Variants in NELL1 observed in about 807,000 individuals in gnomAD.
NELL1 encodes protein kinase C-binding protein NELL1.
A neutral mutation model predicts 107.4 loss-of-function variants in NELL1; 76 were observed. That is an observed-to-expected ratio of 0.71 (90% CI 0.59 to 0.86). NELL1 has a LOEUF of 0.86. NELL1 is among the 40% of genes least tolerant of loss of function. The pLI is 0.00. For missense variants in NELL1, 1,024 were observed against 1,005.5 expected (o/e 1.02, Z -0.25); for synonymous variants, 353 against 341.2 (o/e 1.03, Z -0.38).
At chr11:21,314,616 C>A (rs1409299956) in intron 14 of NELL1, among the ~76,000 whole-genome samples, 1 of 152,132 alleles carries the variant, frequency 6.6e-6, no homozygotes, top group Non-Finnish European at 1.5e-5. Context: ...CCTTATGCAG[C>A]CAGTATTTGA....
At chr11:21,035,088 A>G (rs572922099) in intron 12 of NELL1, among the ~76,000 whole-genome samples, 30 of 152,020 alleles carry the variant, frequency 2.0e-4, no homozygotes, top group Admixed American at 1.9e-3. Context: ...ACAAACAACC[A>G]TTAGAGGAGT....
chr11:21,290,087 G>A (rs10833494), intron 14 of NELL1, among the ~76,000 whole-genome samples: 1 of 152,066 alleles, frequency 6.6e-6, no homozygotes, highest in African/African-American at 2.4e-5. Flanking sequence ...TAAATATTCC[G>A]GGCTGGACGC....
chr11:21,542,758 T>C (rs183543331), intron 16 of NELL1, among the ~76,000 whole-genome samples: 1 of 152,192 alleles, frequency 6.6e-6, no homozygotes, highest in African/African-American at 2.4e-5. Context: ...AATGTACTTA[T>C]TTATTATGCA....
intron 14 of NELL1, among the ~76,000 whole-genome samples, chr11:21,278,476 A>G (rs79965493): frequency 0.021 from 3,158 of 152,242 alleles, 121 homozygotes; most frequent in African/African-American, 0.072. Context: ...ACAAAAGTCG[A>G]TAGTTTTTTC....
intron 3 of NELL1, among the ~76,000 whole-genome samples, chr11:20,819,598 TCAGATGA>T (rs1455195629): frequency 6.6e-6 from 1 of 152,194 alleles, no homozygotes; most frequent in African/African-American, 2.4e-5. Context: ...TCTAAAAGTT[TCAGATGA>T]GGGTAAGATA....
At chr11:21,124,833 T>A (rs2133748021) in intron 13 of NELL1, among the ~76,000 whole-genome samples, 1 of 152,174 alleles carries the variant, frequency 6.6e-6, no homozygotes, top group South Asian at 2.1e-4. Flanking sequence ...ACTCCCAACC[T>A]CAGGTGATCT....
intron 12 of NELL1, among the ~76,000 whole-genome samples, chr11:21,092,167 G>T (rs1024302675): frequency 2.0e-4 from 30 of 152,138 alleles, no homozygotes; most frequent in African/African-American, 6.8e-4. Context: ...TCAGTAAGTA[G>T]TTCAGGATTT....
intron 2 of NELL1, among the ~76,000 whole-genome samples, chr11:20,774,023 T>A (rs1856693051): frequency 7.3e-6 from 1 of 136,572 alleles, no homozygotes; most frequent in Admixed American, 7.2e-5. Flanking sequence ...GTTCCTTTTT[T>A]CCTCCCTCCC....
intron 14 of NELL1, among the ~76,000 whole-genome samples, chr11:21,274,369 C>G (rs1848807740): frequency 6.6e-6 from 1 of 152,248 alleles, no homozygotes; most frequent in African/African-American, 2.4e-5. Context: ...TATATATGCA[C>G]CCAATACAGG....
chr11:21,164,500 G>A (rs1031300093), intron 13 of NELL1, among the ~76,000 whole-genome samples: 1 of 151,978 alleles, frequency 6.6e-6, no homozygotes, highest in Non-Finnish European at 1.5e-5. Context: ...GACCTAATTA[G>A]CCAAAGTGAC....
At chr11:20,716,407 C>T (rs1855251512) in intron 2 of NELL1, among the ~76,000 whole-genome samples, 2 of 152,226 alleles carry the variant, frequency 1.3e-5, no homozygotes, top group African/African-American at 4.8e-5. Flanking sequence ...TCAGAATCAA[C>T]ACATCTTCAC....
intron 2 of NELL1, among the ~76,000 whole-genome samples, chr11:20,707,380 A>G (rs1854993774): frequency 6.6e-6 from 1 of 152,156 alleles, no homozygotes; most frequent in African/African-American, 2.4e-5. Flanking sequence ...CGTCAAAATC[A>G]TTATCTGCTC....
chr11:20,686,678 T>G (rs534412937), intron 2 of NELL1, among the ~76,000 whole-genome samples: 3 of 152,206 alleles, frequency 2.0e-5, no homozygotes, highest in Admixed American at 2.0e-4. Flanking sequence ...TCAATATGAG[T>G]AGGTTACAGT....
rs1858875966 is a variant in NELL1 at position 21,260,408 on chromosome 11, G to A, written c.1549+30954G>A. ...GGTGTCCCTTTGTATAACCAGAGAA[G>A]CCCAGTATAATGTGACTGGCAAACA... On this transcript the variant is annotated intron_variant, in intron 14 of 19. Coordinates refer to ENST00000357134, the MANE Select transcript of NELL1 (RefSeq NM_006157.5). The A allele has an allele frequency of 2.6e-5, 4 of 151,850 alleles. No individual in the cohort carries two copies. In the South Asian group the frequency reaches 8.3e-4, roughly 32 times the overall value. The allele number at this position is 151,850 out of a possible 1,614,324, so 9.4% of individuals were successfully genotyped here. A position where few individuals can be genotyped will look rare whatever the true frequency, so the allele number is the denominator to read the frequency against.
At chr11:21,285,902 T>C (rs139919580) in intron 14 of NELL1, among the ~76,000 whole-genome samples, 178 of 152,364 alleles carry the variant, frequency 1.2e-3, no homozygotes, top group African/African-American at 4.0e-3. Context: ...AAAATAACTT[T>C]ATTGGTGCTT....
At chr11:21,245,149 C>G (rs1334720532) in intron 14 of NELL1, among the ~76,000 whole-genome samples, 1 of 152,126 alleles carries the variant, frequency 6.6e-6, no homozygotes, top group Non-Finnish European at 1.5e-5. Context: ...CCTCTGTAGC[C>G]TCATTTCCTT....
At position 21,532,635 on chromosome 11, in the gene NELL1, G is replaced by A. The variant is rs114112447; in HGVS notation, c.1646-1739G>A. Among the ~76,000 whole-genome samples the A allele has an allele frequency of 1.2e-3, 183 of 152,188 alleles. 1 individual carries two copies. The highest frequency in any genetic ancestry group is 4.4e-3 in the African/African-American group (181 of 41,512). On this transcript the variant is annotated intron_variant, in intron 15 of 19. Transcript: ENST00000357134. The stretch of plus-strand genomic sequence containing the variant: ...TTGTCCACAGCCTGTAGGCAACAGG[G>A]TCTGTGTTAATCATGACTGGTTTTT...
intron 12 of NELL1, among the ~76,000 whole-genome samples, chr11:20,973,185 T>C (rs1388262544): frequency 6.8e-6 from 1 of 146,924 alleles, no homozygotes; most frequent in Non-Finnish European, 1.5e-5. Context: ...CTCGGCTCAC[T>C]GCAACCTCCA....
chr11:21,068,033 A>AG (rs1853920157), intron 12 of NELL1, among the ~76,000 whole-genome samples: 1 of 34,206 alleles, frequency 2.9e-5, no homozygotes, highest in Non-Finnish European at 6.0e-5. Flanking sequence ...ATGCCATCTC[A>AG]AAAAAAAAAA....
Sources: allele counts gnomAD v4.1 joint callset (sites outside exome capture counted in the v4.1 genomes callset), GRCh38; gene constraint gnomAD v4.1.1; transcripts MANE v1.5; gene names NCBI Gene and HGNC (gene_info 2026-07-23, HGNC 2026-07-21).